Variants in PZP observed in about 807,000 individuals in gnomAD.
The protein encoded by PZP is pregnancy zone protein.
In PZP, 150 loss-of-function variants were observed where a neutral mutation model predicts 179.8. The ratio of observed to expected loss-of-function variants is 0.83; its 90% CI spans 0.73 to 0.96. The LOEUF (loss-of-function observed/expected upper bound fraction) is 0.96, where lower values mean the gene tolerates loss of function less well. Among genes scored for constraint, PZP ranks in the 40% least tolerant of loss-of-function variants. PZP has a pLI of 0.00. For missense variants in PZP, 1,689 were observed against 1,764.0 expected, an observed-to-expected ratio of 0.96 and a Z score of 0.76; for synonymous variants, 624 against 652.3, an observed-to-expected ratio of 0.96 and a Z score of 0.66.
At chr12:9,193,087 T>C (rs560294419) in intron 11 of PZP, among the ~76,000 whole-genome samples, 6 of 152,232 alleles carry the variant, frequency 3.9e-5, no homozygotes, top group Admixed American at 1.3e-4. Context: ...ATTGGCTTAA[T>C]TAAAATTAGG....
intron 10 of PZP, among the ~76,000 whole-genome samples, chr12:9,194,591 A>G (rs1943652903): frequency 6.6e-6 from 1 of 151,086 alleles, no homozygotes; most frequent in African/African-American, 2.4e-5. Flanking sequence ...CAGCCTCCCG[A>G]GTAGCTGGGA....
At chr12:9,192,078 T>G in intron 13 of PZP, 115 bp downstream of exon 13, 1 of 850,586 alleles carries the variant, frequency 1.2e-6, no homozygotes, top group South Asian at 1.5e-5. Context: ...TTTTCCTGCG[T>G]GTCCTCCTTA....
chr12:9,197,620 ATATAT>A lies in PZP; in HGVS notation c.756-502_756-498del, dbSNP rs1943876538. 4.6e-5 allele frequency among the ~76,000 whole-genome samples: 4 copies of A among 87,034 alleles called. 1 individual carries two copies. Among genetic ancestry groups the A allele is most frequent in the African/African-American group, 9.5e-5 (2 of 21,130 alleles). The allele number at this position is 87,034 out of a possible 152,430, so 57.1% of individuals were successfully genotyped here. ...TAAATATAATATATATTATATATTT[ATATAT>A]TATATTATATATTATATTATATAAT... On this transcript the variant is annotated intron_variant, in intron 7 of 35. Transcript: ENST00000261336.
intron 1 of PZP, among the ~76,000 whole-genome samples, chr12:9,207,358 A>G (rs1459678147): frequency 1.3e-5 from 2 of 152,198 alleles, no homozygotes; most frequent in African/African-American, 2.4e-5. Context: ...AAGAGTTCTC[A>G]CCATTCTCTG....
At chr12:9,143,449 T>C in the PZP span, among the ~76,000 whole-genome samples, 1 of 151,940 alleles carries the variant, frequency 6.6e-6, no homozygotes, top group African/African-American at 2.4e-5. Context: ...AGGGCATTCA[T>C]CTGTAGGGTC....
Position 9,161,056 on chromosome 12 carries a change from G to A in PZP, c.2849C>T (p.Ala950Val), listed in dbSNP as rs1032966506. Reference protein sequence around the residue: ...KLPSNVVKESARASFSVLGDI... With the variant: ...KLPSNVVKESVRASFSVLGDI... ...ACCCAGAACTGAGAAAGAAGCTCTG[G>A]CAGATTCTTTGACCACATTTGATGG... The change falls in exon 23 of 36, where the codon GCC becomes GTC. Residue 950 changes from alanine to valine, a missense_variant. Ala to Val is a moderately conservative substitution (Grantham distance 64, BLOSUM62 0). Around this residue, in one of 3 missense-constraint regions of PZP, gnomAD observed 746 missense variants for 749.2 expected, o/e 1.00. Transcript: ENST00000261336. 16 of 1,600,062 alleles carry A rather than the reference G, an allele frequency of 1.0e-5. No homozygotes were observed. The highest frequency in any genetic ancestry group is 1.7e-4 in the Middle Eastern group (1 of 6,058).
chr12:9,192,859 A>T (rs572696128), intron 11 of PZP, 120 bp from the exon 12 acceptor site: 38 of 617,010 alleles, frequency 6.2e-5, no homozygotes, highest in Non-Finnish European at 1.0e-4. Context: ...CCTCTCCCTC[A>T]TACTGGTCGA....
chr12:9,201,300 T>C (rs1484082815), intron 5 of PZP, 27 bp downstream of exon 5: 1 of 1,513,100 alleles, frequency 6.6e-7, no homozygotes, highest in South Asian at 1.1e-5. Context: ...ACTAATTTCC[T>C]TATAAGATAC....
chr12:9,151,636 T>A lies in PZP; in HGVS notation c.4249A>T (p.Ser1417Cys), dbSNP rs142910912. Residue 1417 changes from serine (S) to cysteine (C), a missense_variant, in exon 33 of 36, where the codon AGC becomes TGC. Ser to Cys is a moderately radical substitution (Grantham distance 112, BLOSUM62 -1). Transcript: ENST00000261336. ...ACATAAATGAGGACATGGTTGTTGC[T>A]CACTTCTGTCCGGCTCACAGAGCTA... ...RSSSVSRTEV[S>C]NNHVLIYVEQ... The A allele has an allele frequency of 7.2e-5, 116 of 1,613,854 alleles. No individual in the cohort carries two copies. Among genetic ancestry groups the A allele is most frequent in the Non-Finnish European group, 9.4e-5 (111 of 1,179,918 alleles).
At chr12:9,173,455 A>G (rs925649703) in intron 15 of PZP, among the ~76,000 whole-genome samples, 1 of 152,174 alleles carries the variant, frequency 6.6e-6, no homozygotes, top group Non-Finnish European at 1.5e-5. Flanking sequence ...CTAGCAGAAG[A>G]CAAGAAATAG....
At chr12:9,166,558 G>A (rs944097156) in intron 17 of PZP, among the ~76,000 whole-genome samples, 1 of 152,204 alleles carries the variant, frequency 6.6e-6, no homozygotes, top group African/African-American at 2.4e-5. Context: ...ATTGTAAAAT[G>A]CTCTTTAGAC....
In PZP at chr12:9,192,716, C is replaced by T; in HGVS notation, c.1278G>A (p.Leu426=). ...FVRVFTVHPN[L]CFHYSWVAED... is the part of the protein sequence containing the mutation. ...CTGCTACCCATGAATAGTGAAAACA[C>T]AAGTTGGGATGCACAGTGAAAACCT... is the stretch of plus-strand genomic sequence containing the variant. The change falls in exon 12 of 36, where the codon TTG becomes TTA. Residue 426 remains leucine (L), a synonymous_variant. Coordinates refer to ENST00000261336, the MANE Select transcript of PZP (RefSeq NM_002864.3). 6.2e-7 allele frequency: 1 copy of T among 1,612,336 alleles called. No individual in the cohort carries two copies. The highest frequency in any genetic ancestry group is 8.5e-7 in the Non-Finnish European group (1 of 1,178,412).
At chr12:9,142,196 T>C in the PZP span, among the ~76,000 whole-genome samples, 8 of 152,216 alleles carry the variant, frequency 5.3e-5, no homozygotes, top group Non-Finnish European at 8.8e-5. Context: ...CAAAGCAAAC[T>C]TCCTTCATGT....
At chr12:9,176,112 G>A (rs1942346169) in intron 15 of PZP, among the ~76,000 whole-genome samples, 1 of 152,174 alleles carries the variant, frequency 6.6e-6, no homozygotes, top group Non-Finnish European at 1.5e-5. Flanking sequence ...TATACACAAT[G>A]GAATACTATG....
intron 19 of PZP, among the ~76,000 whole-genome samples, chr12:9,164,849 C>G (rs1232647493): frequency 6.6e-6 from 1 of 152,188 alleles, no homozygotes; most frequent in Non-Finnish European, 1.5e-5. Context: ...TGTGTGTCAG[C>G]TTCAAGAATG....
chr12:9,168,985 A>T lies in PZP; in HGVS notation c.2002-11T>A. On this transcript the variant is annotated splice_polypyrimidine_tract_variant and intron_variant, in intron 16 of 35. Transcript: ENST00000261336. ...CTTCAATCCCATCCCCTGGAAAAAA[A>T]TAATTGTTCAATCTACTTGTAAGCT... is the stretch of plus-strand genomic sequence containing the variant. 2 of 1,583,428 alleles carry T rather than the reference A, an allele frequency of 1.3e-6. No individual in the cohort carries two copies. The highest frequency in any genetic ancestry group is 2.7e-5 in the African/African-American group (2 of 74,292).
intron 7 of PZP, among the ~76,000 whole-genome samples, chr12:9,197,640 T>C (rs1441969309): frequency 1.2e-4 from 8 of 66,498 alleles, no homozygotes; most frequent in African/African-American, 5.1e-4. Context: ...TTATATATTA[T>C]ATTATATAAT....
At chr12:9,166,395 G>A (rs1482387763) in intron 17 of PZP, among the ~76,000 whole-genome samples, 193 bp from the exon 18 acceptor site, 1 of 152,112 alleles carries the variant, frequency 6.6e-6, no homozygotes, top group East Asian at 1.9e-4. Flanking sequence ...TGTCAAAGGT[G>A]GAAATTCTAT....
intron 13 of PZP, among the ~76,000 whole-genome samples, chr12:9,189,438 T>C (rs947204331): frequency 6.6e-6 from 1 of 152,194 alleles, no homozygotes; most frequent in Non-Finnish European, 1.5e-5. Context: ...TGGCTAGCCA[T>C]AGGCAGAAGA....
Sources: gnomAD v4.1 joint callset for allele counts (sites outside exome capture counted in the v4.1 genomes callset) on GRCh38, gnomAD v4.1.1 for gene constraint, gnomAD v4.1.1 regional missense constraint, MANE v1.5 for transcripts, NCBI Gene and HGNC (gene_info 2026-07-23, HGNC 2026-07-21) for gene names.